RELN: variants seen among roughly 807,000 people sequenced by gnomAD.
RELN encodes reelin.
Under a neutral mutation model 427.6 loss-of-function variants are expected in RELN, and 108 were observed. That is an observed-to-expected ratio of 0.25 (90% CI 0.22 to 0.30). The LOEUF (loss-of-function observed/expected upper bound fraction) is 0.30. Among genes scored for constraint, RELN ranks in the 10% least tolerant of loss-of-function variants. The pLI, the probability that RELN is intolerant of heterozygous loss-of-function variation, is 1.00. For missense variants in RELN, 3,715 were observed against 4,302.8 expected (o/e 0.86, Z 3.82); for synonymous variants, 1,524 against 1,513.4 (o/e 1.01, Z -0.16).
At chr7:103,864,361 C>A (rs904743523) in intron 2 of RELN, among the ~76,000 whole-genome samples, 1 of 152,132 alleles carries the variant, frequency 6.6e-6, no homozygotes, top group Non-Finnish European at 1.5e-5. Flanking sequence ...GTGCTGTTAA[C>A]TGCAAGTTGT....
At chr7:103,708,376 C>A (rs147148851) in intron 8 of RELN, among the ~76,000 whole-genome samples, 2 of 151,906 alleles carry the variant, frequency 1.3e-5, no homozygotes, top group South Asian at 2.1e-4. Context: ...CTCCCAACAG[C>A]CTTTCTCACT....
chr7:103,715,525 C>T (rs1023724576), intron 8 of RELN, among the ~76,000 whole-genome samples: 2 of 152,184 alleles, frequency 1.3e-5, no homozygotes, highest in Admixed American at 1.3e-4. Context: ...CCCTCAGTCA[C>T]TTTCCTGGCT....
chr7:103,516,875 A>G (rs1829578779), intron 49 of RELN, among the ~76,000 whole-genome samples: 1 of 151,876 alleles, frequency 6.6e-6, no homozygotes, highest in South Asian at 2.1e-4. Flanking sequence ...AACAGTAGGT[A>G]GTATTCCAGA....
At chr7:103,853,427 A>G (rs1179219924) in intron 2 of RELN, among the ~76,000 whole-genome samples, 3 of 152,020 alleles carry the variant, frequency 2.0e-5, no homozygotes, top group African/African-American at 4.8e-5. Context: ...CCAAGCATCA[A>G]TCTGAATGAG....
intron 28 of RELN, among the ~76,000 whole-genome samples, chr7:103,586,023 C>T (rs898790921): frequency 1.7e-4 from 26 of 152,050 alleles, no homozygotes; most frequent in African/African-American, 5.8e-4. Flanking sequence ...GATGTTGATA[C>T]GATATAAACC....
rs867404988 is a variant in RELN, at chr7:103,773,337, C to T, written c.544+3220G>A. Reference sequence around the variant, plus strand: ...GCTCCCTCCGTCTCTCTCTCTCCCTCGCTTCCTCTCTCTCTCTCCCTCTCT... The same window carrying T: ...GCTCCCTCCGTCTCTCTCTCTCCCTTGCTTCCTCTCTCTCTCTCCCTCTCT... On this transcript the variant is annotated intron_variant, in intron 4 of 64. Coordinates refer to ENST00000428762, the MANE Select transcript of RELN (RefSeq NM_005045.4). Among the ~76,000 whole-genome samples, 177 of 58,382 alleles carry T rather than the reference C, an allele frequency of 3.0e-3. 24 individuals are homozygous for T. Among genetic ancestry groups the T allele is most frequent in the African/African-American group, 0.014 (137 of 9,462 alleles). The allele number at this position is 58,382 out of a possible 152,430, so 38.3% of individuals were successfully genotyped here.
intron 1 of RELN, among the ~76,000 whole-genome samples, chr7:103,930,868 A>ATG (rs60265174): frequency 0.2 from 28,811 of 141,584 alleles, 2,781 homozygotes; most frequent in Non-Finnish European, 0.24. Flanking sequence ...GTGTGAGCAT[A>ATG]TGTGTGTGTG....
At position 103,566,228 on chromosome 7, in the gene RELN, G is replaced by T; in HGVS notation, c.4932C>A (p.Asn1644Lys). 1 of 1,610,970 alleles carries T rather than the reference G, an allele frequency of 6.2e-7. No individual in the cohort carries two copies. Among genetic ancestry groups the T allele is most frequent in the Non-Finnish European group, 8.5e-7 (1 of 1,177,254 alleles). Residue 1644 changes from asparagine (N) to lysine (K), a missense_variant, in exon 33 of 65, where the codon AAC (asparagine) becomes AAA (lysine). Physicochemically the swap from Asn to Lys is moderately conservative, Grantham distance 94 (BLOSUM62 0). Transcript: ENST00000428762. ...TTATCTGGTGACAATATATACCTAT[G>T]TTTTCAGTGAATATCAGAGCAGTAT... ...SMDTALIFTE[N>K]IGKPRYAETW... is the part of the protein sequence containing the mutation.
intron 49 of RELN, among the ~76,000 whole-genome samples, chr7:103,518,327 C>CTT (rs767194919): frequency 5.6e-5 from 6 of 106,496 alleles, no homozygotes; most frequent in African/African-American, 8.2e-5. Flanking sequence ...TCTACGTTTC[C>CTT]TTTTTTTTTT....
Position 103,550,983 on chromosome 7 carries a change from A to T in RELN, c.6302+84T>A, listed in dbSNP as rs547462734. 244 of 1,134,280 alleles carry T rather than the reference A, an allele frequency of 2.2e-4. 1 individual carries two copies. In the African/African-American group the frequency reaches 3.4e-3, roughly 16 times the overall value. 70.3% of individuals were successfully genotyped at this position (1,134,280 alleles called of 1,614,324 possible). ...AGAAACGTCAGGTGGAAATTTCCCC[A>T]TGATAAAGTGGCAAGTGAACGATGA... On this transcript the variant is annotated intron_variant, in intron 41 of 64. Transcript: ENST00000428762.
chr7:103,926,071 A>C (rs912956880), intron 1 of RELN, among the ~76,000 whole-genome samples: 1 of 151,222 alleles, frequency 6.6e-6, no homozygotes, highest in African/African-American at 2.4e-5. Flanking sequence ...AAGTAGTTTA[A>C]AACATAAATA....
At chr7:103,880,311 A>C (rs1469832521) in intron 2 of RELN, among the ~76,000 whole-genome samples, 2 of 152,194 alleles carry the variant, frequency 1.3e-5, no homozygotes, top group African/African-American at 4.8e-5. Context: ...GAATTTTATA[A>C]ATGCAAAAAC....
At chr7:103,830,470 G>A (rs1793248964) in intron 3 of RELN, among the ~76,000 whole-genome samples, 1 of 151,774 alleles carries the variant, frequency 6.6e-6, no homozygotes, top group East Asian at 1.9e-4. Flanking sequence ...ACTTTTTGAG[G>A]TTAATCAGAA....
chr7:103,909,340 C>G (rs1223668255), intron 2 of RELN, among the ~76,000 whole-genome samples: 2 of 151,574 alleles, frequency 1.3e-5, no homozygotes, highest in East Asian at 3.9e-4. Flanking sequence ...TTTCTATGTT[C>G]AGTGAAAAAT....
At chr7:103,779,567 C>CG in intron 3 of RELN, among the ~76,000 whole-genome samples, 1 of 152,118 alleles carries the variant, frequency 6.6e-6, no homozygotes, top group Non-Finnish European at 1.5e-5. Context: ...AATGTCACAC[C>CG]ACTGGTGGCA....
At chr7:103,601,725 A>G (rs2117265807) in intron 24 of RELN, among the ~76,000 whole-genome samples, 1 of 152,270 alleles carries the variant, frequency 6.6e-6, no homozygotes, top group East Asian at 1.9e-4. Context: ...TGGAAAAGAG[A>G]AAAAGAATGT....
chr7:103,938,402 C>A (rs1796034525), intron 1 of RELN, among the ~76,000 whole-genome samples: 1 of 152,134 alleles, frequency 6.6e-6, no homozygotes. Context: ...GAGAAACAAC[C>A]TTAATATCAA....
At chr7:103,663,544 T>C (rs1214629011) in intron 11 of RELN, among the ~76,000 whole-genome samples, 2 of 152,164 alleles carry the variant, frequency 1.3e-5, no homozygotes, top group Non-Finnish European at 1.5e-5. Flanking sequence ...AATTGGCACA[T>C]TGGGAAACAC....
chr7:103,975,505 G>A (rs1172470379), intron 1 of RELN, among the ~76,000 whole-genome samples: 1 of 138,628 alleles, frequency 7.2e-6, no homozygotes, highest in Admixed American at 7.2e-5. Flanking sequence ...GTCCTGGGAA[G>A]AATGGAGCAG....
Sources: allele counts gnomAD v4.1 joint callset (sites outside exome capture counted in the v4.1 genomes callset), GRCh38; gene constraint gnomAD v4.1.1; transcripts MANE v1.5; gene names NCBI Gene and HGNC (gene_info 2026-07-23, HGNC 2026-07-21).